The following ERC1 variants were observed in gnomAD, a reference collection of about 807,000 sequenced individuals.
ERC1 encodes ELKS/RAB6-interacting/CAST family member 1.
A neutral mutation model predicts 132.0 loss-of-function variants in ERC1; 56 were observed. The ratio of observed to expected loss-of-function variants is 0.42; its 90% CI spans 0.34 to 0.53. The LOEUF (loss-of-function observed/expected upper bound fraction) is 0.53. Ranked by LOEUF, ERC1 falls within the 20% of genes least tolerant of loss-of-function variation. ERC1 has a pLI of 0.03. For synonymous variants in ERC1, 478 were observed against 476.1 expected (o/e 1.00, Z -0.05); for missense variants, 1,202 against 1,349.9 (o/e 0.89, Z 1.72).
intron 18 of ERC1, among the ~76,000 whole-genome samples, chr12:1,450,219 ACAGT>A (rs1284801176): frequency 1.3e-5 from 2 of 152,290 alleles, no homozygotes; most frequent in Admixed American, 1.3e-4. Flanking sequence ...TTTTACGTGC[ACAGT>A]TCAGTGTTAT....
intron 8 of ERC1, among the ~76,000 whole-genome samples, chr12:1,157,475 T>TA (rs1184955611): frequency 6.6e-6 from 1 of 152,262 alleles, no homozygotes; most frequent in African/African-American, 2.4e-5. Flanking sequence ...TTTATGTTTT[T>TA]ACATGTGGCT....
intron 2 of ERC1, among the ~76,000 whole-genome samples, chr12:1,038,160 C>T (rs563600434): frequency 6.6e-6 from 1 of 152,232 alleles, no homozygotes; most frequent in East Asian, 1.9e-4. Context: ...TGCCTTCTGA[C>T]AGCTGCGTGG....
At chr12:1,303,806 T>C (rs1015500510) in intron 15 of ERC1, among the ~76,000 whole-genome samples, 4 of 151,864 alleles carry the variant, frequency 2.6e-5, no homozygotes, top group Admixed American at 2.0e-4. Context: ...AATACAAAAT[T>C]AGCTGGGTGT....
In ERC1 at chr12:1,494,317, C is replaced by T. The variant is rs528209023; in HGVS notation, c.*4087C>T. The T allele has an allele frequency of 5.3e-4, 123 of 231,300 alleles. No homozygotes were observed. The highest frequency in any genetic ancestry group is 2.5e-3 in the African/African-American group (115 of 45,298). 14.3% of individuals were successfully genotyped at this position (231,300 alleles called of 1,614,324 possible). On this transcript the variant is annotated 3_prime_UTR_variant, in exon 19 of 19. Coordinates refer to ENST00000360905, the MANE Select transcript of ERC1 (RefSeq NM_178040.4). ...CAGCCCTGGGCTGCTCAGGAGGGGA[C>T]GTGAACCACTCAAAGGAATGTCTTA...
chr12:1,043,923 C>G (rs1970684717), intron 2 of ERC1, among the ~76,000 whole-genome samples: 1 of 152,148 alleles, frequency 6.6e-6, no homozygotes, highest in African/African-American at 2.4e-5. Context: ...TGTTAACATA[C>G]ATACTATTTT....
chr12:1,219,393 A>G (rs966350475), intron 12 of ERC1, among the ~76,000 whole-genome samples: 2 of 152,174 alleles, frequency 1.3e-5, no homozygotes, highest in African/African-American at 4.8e-5. Flanking sequence ...TGGTACTACC[A>G]TTCACTCATT....
chr12:1,338,163 G>A (rs917358604), intron 15 of ERC1, among the ~76,000 whole-genome samples: 2 of 151,986 alleles, frequency 1.3e-5, no homozygotes, highest in Admixed American at 6.6e-5. Context: ...TCTCTTTCAG[G>A]GATACCAGTC....
At chr12:997,400 T>C (rs1961156271) in intron 1 of ERC1, among the ~76,000 whole-genome samples, 1 of 152,242 alleles carries the variant, frequency 6.6e-6, no homozygotes, top group African/African-American at 2.4e-5. Flanking sequence ...AGATACTTAT[T>C]AAATACTTGA....
At chr12:1,315,377 G>T (rs1311497884) in intron 15 of ERC1, among the ~76,000 whole-genome samples, 1 of 150,586 alleles carries the variant, frequency 6.6e-6, no homozygotes, top group Non-Finnish European at 1.5e-5. Flanking sequence ...TTGAGATGAA[G>T]CCTTGCTCTG....
intron 12 of ERC1, among the ~76,000 whole-genome samples, chr12:1,196,796 C>T (rs1400985875): frequency 1.4e-5 from 2 of 144,128 alleles, no homozygotes; most frequent in African/African-American, 5.4e-5. Context: ...GGTGCATGTG[C>T]GCACGCTATT....
In ERC1 at chr12:1,492,078, T is replaced by G; in HGVS notation, c.*1848T>G. The G allele has an allele frequency of 4.3e-6, 1 of 233,172 alleles. No homozygotes were observed. Among genetic ancestry groups the G allele is most frequent in the Non-Finnish European group, 8.5e-6 (1 of 117,976 alleles). The allele number at this position is 233,172 out of a possible 1,614,324, so 14.4% of individuals were successfully genotyped here. Reference sequence around the variant, plus strand: ...GTCCCATTAACTGACATGGTCAGATTTCCAGCTCCCCCTACTCCCTGCTGT... The same window carrying G: ...GTCCCATTAACTGACATGGTCAGATGTCCAGCTCCCCCTACTCCCTGCTGT... On this transcript the variant is annotated 3_prime_UTR_variant, in exon 19 of 19. Transcript: ENST00000360905.
At chr12:1,051,528 C>T (rs1361862047) in intron 2 of ERC1, among the ~76,000 whole-genome samples, 2 of 97,996 alleles carry the variant, frequency 2.0e-5, no homozygotes, top group African/African-American at 4.5e-5. Context: ...CGTCTCTACC[C>T]CAAAAAAAAA....
chr12:1,201,831 T>C lies in ERC1; in HGVS notation c.2351+11779T>C, dbSNP rs548896871. 1.2e-3 allele frequency among the ~76,000 whole-genome samples: 180 copies of C among 152,338 alleles called. 1 individual carries two copies. Among genetic ancestry groups the C allele is most frequent in the Non-Finnish European group, 2.2e-3 (149 of 68,032 alleles). On this transcript the variant is annotated intron_variant, in intron 12 of 18. Coordinates refer to ENST00000360905, the MANE Select transcript of ERC1 (RefSeq NM_178040.4). ...AGTGTCTCTTTAGAGAAAAATATTC[T>C]TACTTTTAAATTTATGGATATGCAT...
chr12:1,125,057 C>T (rs568165440), intron 7 of ERC1, among the ~76,000 whole-genome samples: 3 of 151,870 alleles, frequency 2.0e-5, no homozygotes, highest in South Asian at 2.1e-4. Context: ...TGCAGTGGCA[C>T]AATCTTGGCT....
chr12:1,252,216 C>A lies in ERC1; in HGVS notation c.2488-10818C>A, dbSNP rs147022533. 7.9e-5 allele frequency among the ~76,000 whole-genome samples: 12 copies of A among 152,224 alleles called. No individual in the cohort carries two copies. In the East Asian group the frequency reaches 2.3e-3, roughly 29 times the overall value. ...TAGTTATAGTTGCCTTATTATGCCA[C>A]TGAATGCTAATCCTGTTATTTTTTA... On this transcript the variant is annotated intron_variant, in intron 13 of 18. Coordinates refer to ENST00000360905, the MANE Select transcript of ERC1 (RefSeq NM_178040.4).
chr12:1,186,772 A>C (rs1594066334), intron 11 of ERC1, among the ~76,000 whole-genome samples: 1 of 152,248 alleles, frequency 6.6e-6, no homozygotes, highest in East Asian at 1.9e-4. Flanking sequence ...GACTATGGAC[A>C]GAAGAAATGC....
At chr12:1,054,233 A>G (rs1379858214) in intron 2 of ERC1, among the ~76,000 whole-genome samples, 1 of 152,166 alleles carries the variant, frequency 6.6e-6, no homozygotes, top group Admixed American at 6.5e-5. Context: ...TTTGCCAGAC[A>G]TTCAAATTAA....
intron 18 of ERC1, among the ~76,000 whole-genome samples, chr12:1,451,106 A>G (rs2093416405): frequency 6.6e-6 from 1 of 152,340 alleles, no homozygotes; most frequent in South Asian, 2.1e-4. Flanking sequence ...TTCTGTGGTT[A>G]TCTTCTCACT....
chr12:1,104,739 CTT>C lies in ERC1; in HGVS notation c.1087-8_1087-7del, dbSNP rs771864048. On this transcript the variant is annotated splice_polypyrimidine_tract_variant and intron_variant, in intron 3 of 18. Coordinates refer to ENST00000360905, the MANE Select transcript of ERC1 (RefSeq NM_178040.4). ...GAGAGCACTGAATCTCTTTCTGCCT[CTT>C]TTCTACAGGAGATGCATCGAAGGTT... 3 of 1,605,912 alleles carry C rather than the reference CTT, an allele frequency of 1.9e-6. No homozygotes were observed. In the South Asian group the frequency reaches 3.3e-5, roughly 18 times the overall value.
Sources: gnomAD v4.1 joint callset for allele counts (sites outside exome capture counted in the v4.1 genomes callset) on GRCh38, gnomAD v4.1.1 for gene constraint, MANE v1.5 for transcripts, NCBI Gene and HGNC (gene_info 2026-07-23, HGNC 2026-07-21) for gene names.